Variants in RGS6 observed in about 807,000 individuals in gnomAD.
The protein encoded by RGS6 is regulator of G protein signaling 6.
Under a neutral mutation model 78.5 loss-of-function variants are expected in RGS6, and 30 were observed. That is an observed-to-expected ratio of 0.38 (90% CI 0.29 to 0.52). The LOEUF is 0.52. Among genes scored for constraint, RGS6 ranks in the 20% least tolerant of loss-of-function variants. The pLI, the probability that RGS6 is intolerant of heterozygous loss-of-function variation, is 0.85. For synonymous variants in RGS6, 206 were observed against 206.0 expected, an observed-to-expected ratio of 1.00 and a Z score of 0.00; for missense variants, 495 against 609.7, an observed-to-expected ratio of 0.81 and a Z score of 1.98.
the RGS6 span, among the ~76,000 whole-genome samples, chr14:72,596,802 G>T: frequency 1.3e-5 from 2 of 152,288 alleles, no homozygotes; most frequent in Middle Eastern, 3.4e-3. Flanking sequence ...TTATTTTACA[G>T]AGGATAAACA....
rs115321164 is a variant in RGS6, at chr14:71,974,245, A to G, written c.84+9370A>G. Among the ~76,000 whole-genome samples the G allele has an allele frequency of 8.1e-4, 123 of 152,330 alleles. 1 individual carries two copies. Among genetic ancestry groups the G allele is most frequent in the African/African-American group, 2.8e-3 (116 of 41,576 alleles). On this transcript the variant is annotated intron_variant, in intron 2 of 17. Transcript: ENST00000553525. ...TACCTGTGAAAGAAAAAATAAATAC[A>G]TTTTAAAATAATTGGAGGATAGAAG...
At chr14:72,196,225 G>C (rs1039938025) in intron 2 of RGS6, among the ~76,000 whole-genome samples, 4 of 152,196 alleles carry the variant, frequency 2.6e-5, no homozygotes, top group African/African-American at 9.7e-5. Flanking sequence ...CACTCTTGGG[G>C]TTCTATCTTG....
At chr14:72,190,139 C>G (rs1440430664) in intron 2 of RGS6, among the ~76,000 whole-genome samples, 1 of 152,144 alleles carries the variant, frequency 6.6e-6, no homozygotes, top group Non-Finnish European at 1.5e-5. Context: ...GCCTGATCAT[C>G]TGGGCCTCTC....
At chr14:72,595,129 T>C in the RGS6 span, 1 of 152,206 alleles carries the variant, frequency 6.6e-6, no homozygotes. Flanking sequence ...CAGTTCATTA[T>C]AGATGAACTA....
chr14:72,214,605 A>G (rs1048126530), intron 2 of RGS6, among the ~76,000 whole-genome samples: 9 of 152,178 alleles, frequency 5.9e-5, no homozygotes, highest in African/African-American at 2.2e-4. Flanking sequence ...TGATAGTAAA[A>G]TTGCTTAATT....
intron 2 of RGS6, among the ~76,000 whole-genome samples, chr14:72,154,612 A>G (rs569279186): frequency 1.3e-5 from 2 of 152,198 alleles, no homozygotes; most frequent in Non-Finnish European, 2.9e-5. Flanking sequence ...ACCAGGCTGC[A>G]TGGGGATCTA....
In RGS6 at chr14:72,458,385, T is replaced by A; in HGVS notation, c.342+8T>A. On this transcript the variant is annotated splice_region_variant and intron_variant, in intron 5 of 17. Transcript: ENST00000553525. ...ACCTTTTATCGTTTCCAGGTAAGCC[T>A]GCTGGCTCCTCCTCCTGAAGAACCT... The A allele has an allele frequency of 6.3e-7, 1 of 1,597,982 alleles. No homozygotes were observed. Among genetic ancestry groups the A allele is most frequent in the Admixed American group, 1.7e-5 (1 of 59,908 alleles).
Position 72,332,246 on chromosome 14 carries a change from A to G in RGS6, c.85-19849A>G, listed in dbSNP as rs139015685. 2.0e-5 allele frequency among the ~76,000 whole-genome samples: 3 copies of G among 152,280 alleles called. No homozygotes were observed. In the East Asian group the frequency reaches 5.8e-4, roughly 29 times the overall value. ...CAGCTCCAGATGGTTCACAAACTAG[A>G]GAGGAGTTTTGCAGAGTCCTGAACG... On this transcript the variant is annotated intron_variant, in intron 2 of 17. Transcript: ENST00000553525.
intron 2 of RGS6, among the ~76,000 whole-genome samples, chr14:71,984,002 T>C (rs2094574617): frequency 1.3e-5 from 2 of 152,168 alleles, no homozygotes; most frequent in African/African-American, 2.4e-5. Flanking sequence ...GTCTCTGTCC[T>C]AGACAACTTT....
intron 3 of RGS6, among the ~76,000 whole-genome samples, chr14:72,419,667 C>T (rs2094056128): frequency 1.3e-5 from 2 of 152,258 alleles, no homozygotes; most frequent in South Asian, 4.2e-4. Flanking sequence ...CAGTCATGCC[C>T]CTGGAGACCT....
At chr14:72,626,074 A>G in the RGS6 span, among the ~76,000 whole-genome samples, 2 of 152,200 alleles carry the variant, frequency 1.3e-5, no homozygotes, top group Non-Finnish European at 2.9e-5. Context: ...TCTTCGGTAT[A>G]GTTACATTAT....
intron 3 of RGS6, among the ~76,000 whole-genome samples, chr14:72,388,878 GAGTT>G (rs2089128835): frequency 6.6e-6 from 1 of 152,174 alleles, no homozygotes; most frequent in African/African-American, 2.4e-5. Context: ...AGGATTAAAT[GAGTT>G]AGTATGTGAA....
intron 17 of RGS6, among the ~76,000 whole-genome samples, chr14:72,545,299 CATCG>C (rs1274493451): frequency 6.6e-6 from 1 of 152,222 alleles, no homozygotes; most frequent in African/African-American, 2.4e-5. Flanking sequence ...GGGAGACTTC[CATCG>C]AAGTGTTTGG....
intron 2 of RGS6, among the ~76,000 whole-genome samples, chr14:72,203,396 G>A (rs139236709): frequency 6.6e-6 from 1 of 152,276 alleles, no homozygotes; most frequent in African/African-American, 2.4e-5. Flanking sequence ...ATAACAAATT[G>A]TCCCAAATTT....
chr14:72,160,729 A>G (rs2096841179), intron 2 of RGS6, among the ~76,000 whole-genome samples: 1 of 152,236 alleles, frequency 6.6e-6, no homozygotes, highest in Admixed American at 6.5e-5. Flanking sequence ...GAACATGTGA[A>G]GACATTTACA....
chr14:72,152,036 A>T (rs2096697555), intron 2 of RGS6, among the ~76,000 whole-genome samples: 1 of 152,292 alleles, frequency 6.6e-6, no homozygotes, highest in African/African-American at 2.4e-5. Flanking sequence ...CCTCCATCAA[A>T]TGGGGATAAT....
intron 1 of RGS6, among the ~76,000 whole-genome samples, chr14:71,934,421 T>C (rs564973138): frequency 7.2e-5 from 11 of 152,338 alleles, no homozygotes; most frequent in African/African-American, 2.6e-4. Flanking sequence ...TTTCCTTTTA[T>C]ATATTTATTC....
intron 2 of RGS6, among the ~76,000 whole-genome samples, chr14:72,344,808 G>A (rs1300731708): frequency 1.3e-5 from 2 of 152,188 alleles, no homozygotes; most frequent in Non-Finnish European, 1.5e-5. Flanking sequence ...TTAGGTAGGG[G>A]AGTTAAATGG....
intron 2 of RGS6, among the ~76,000 whole-genome samples, chr14:72,301,298 G>A (rs896558596): frequency 3.9e-5 from 6 of 152,336 alleles, no homozygotes; most frequent in African/African-American, 1.4e-4. Flanking sequence ...TCGTAGTGAA[G>A]TAAATGTGTG....
Sources: gnomAD v4.1 joint callset for allele counts (sites outside exome capture counted in the v4.1 genomes callset) on GRCh38, gnomAD v4.1.1 for gene constraint, MANE v1.5 for transcripts, NCBI Gene and HGNC (gene_info 2026-07-23, HGNC 2026-07-21) for gene names.